The following ATP2B1 variants were observed in gnomAD, a reference collection of about 807,000 sequenced individuals.
The protein encoded by ATP2B1 is plasma membrane calcium-transporting ATPase 1.
In ATP2B1, 14 loss-of-function variants were observed where a neutral mutation model predicts 124.2. The ratio of observed to expected loss-of-function variants is 0.11; its 90% confidence interval spans 0.07 to 0.18. The LOEUF (loss-of-function observed/expected upper bound fraction) is 0.18, where lower values mean the gene tolerates loss of function less well. Among genes scored for constraint, ATP2B1 ranks in the 10% least tolerant of loss-of-function variants. The pLI is 1.00. For missense variants in ATP2B1, 763 were observed against 1,466.1 expected (o/e 0.52, Z 7.83); for synonymous variants, 449 against 492.4 (o/e 0.91, Z 1.17).
chr12:89,708,568 C>A (rs1198020154), intron 1 of ATP2B1, 28 bp downstream of exon 1: 1 of 151,630 alleles, frequency 6.6e-6, no homozygotes, highest in Non-Finnish European at 1.5e-5. Flanking sequence ...CCGCCCCCGG[C>A]CGCGGGCGGG....
intron 2 of ATP2B1, among the ~76,000 whole-genome samples, chr12:89,650,316 C>T (rs1402722865): frequency 1.3e-5 from 2 of 152,146 alleles, no homozygotes; most frequent in African/African-American, 2.4e-5. Flanking sequence ...GAGGCAATCC[C>T]GTCCCTAACT....
intron 1 of ATP2B1, among the ~76,000 whole-genome samples, chr12:89,694,395 T>C (rs1890883228): frequency 6.6e-6 from 1 of 152,158 alleles, no homozygotes; most frequent in Non-Finnish European, 1.5e-5. Flanking sequence ...CTATAATCTC[T>C]CAACATCCCC....
intron 1 of ATP2B1, among the ~76,000 whole-genome samples, chr12:89,699,811 C>T (rs956045740): frequency 5.3e-5 from 8 of 152,078 alleles, no homozygotes; most frequent in African/African-American, 1.9e-4. Context: ...AAATTATGTA[C>T]ATAAAAACAG....
At chr12:89,673,888 A>T (rs1888293138) in intron 1 of ATP2B1, among the ~76,000 whole-genome samples, 1 of 152,216 alleles carries the variant, frequency 6.6e-6, no homozygotes, top group Non-Finnish European at 1.5e-5. Context: ...CAGGAGATAA[A>T]CAACAAGTAA....
rs748085742 is a variant in ATP2B1, at chr12:89,611,382, A to G, written c.2068-10T>C. ...TAATTGCATCTGGCACCTGGTTTAC[A>G]TTAAAAAAAAAAATTACAAAGTTAA... On this transcript the variant is annotated splice_polypyrimidine_tract_variant and intron_variant, in intron 12 of 20. Transcript: ENST00000428670. The G allele has an allele frequency of 5.3e-6, 8 of 1,496,604 alleles. No individual in the cohort carries two copies. In the African/African-American group the frequency reaches 8.6e-5, roughly 16 times the overall value. 92.7% of individuals were successfully genotyped at this position (1,496,604 alleles called of 1,614,324 possible).
At chr12:89,702,065 C>G (rs962771480) in intron 1 of ATP2B1, among the ~76,000 whole-genome samples, 1 of 152,168 alleles carries the variant, frequency 6.6e-6, no homozygotes, top group Non-Finnish European at 1.5e-5. Context: ...ACAAAGTTAA[C>G]AAGGTGAGAT....
In ATP2B1 at chr12:89,611,375, GGT is replaced by G. The variant is rs1012576824; in HGVS notation, c.2068-5_2068-4del. 1 of 1,483,926 alleles carries G rather than the reference GGT, an allele frequency of 6.7e-7. No individual in the cohort carries two copies. The highest frequency in any genetic ancestry group is 9.0e-7 in the Non-Finnish European group (1 of 1,117,022). The allele number at this position is 1,483,926 out of a possible 1,614,324, so 91.9% of individuals were successfully genotyped here. On this transcript the variant is annotated splice_polypyrimidine_tract_variant and splice_region_variant and intron_variant, in intron 12 of 20. Transcript: ENST00000428670. Reference sequence around the variant, plus strand: ...CACTTTTTAATTGCATCTGGCACCTGGTTTACATTAAAAAAAAAAATTACAAA... The same window carrying G: ...CACTTTTTAATTGCATCTGGCACCTGTTACATTAAAAAAAAAAATTACAAA...
Position 89,603,970 on chromosome 12 carries a change from G to T in ATP2B1, c.2635-45C>A. 1 of 1,578,612 alleles carries T rather than the reference G, an allele frequency of 6.3e-7. No individual in the cohort carries two copies. Among genetic ancestry groups the T allele is most frequent in the Non-Finnish European group, 8.6e-7 (1 of 1,157,098 alleles). ...TAATAGACATTCACAACTACTCAGGGGCTCAGCAATTCTCAGGAAACCTTT... is the reference window on the plus strand; with the variant it reads ...TAATAGACATTCACAACTACTCAGGTGCTCAGCAATTCTCAGGAAACCTTT... On this transcript the variant is annotated intron_variant, in intron 16 of 20. Coordinates refer to ENST00000428670, the MANE Select transcript of ATP2B1 (RefSeq NM_001366521.1). The surrounding 1 kb of genome is among the most constrained non-coding windows in gnomAD (Gnocchi z 4.3).
At chr12:89,686,016 A>G (rs1889927291) in intron 1 of ATP2B1, among the ~76,000 whole-genome samples, 1 of 152,120 alleles carries the variant, frequency 6.6e-6, no homozygotes, top group Non-Finnish European at 1.5e-5. Context: ...TGTTTAAGCC[A>G]CCTTGTCTGT....
chr12:89,611,411 G>T (rs772856741), intron 12 of ATP2B1, 39 bp from the exon 13 acceptor site: 18 of 1,455,952 alleles, frequency 1.2e-5, no homozygotes, highest in Non-Finnish European at 1.6e-5. Context: ...AAGTTAATTT[G>T]GTATTTTTAG....
chr12:89,615,356 C>T (rs1226344647), intron 12 of ATP2B1, among the ~76,000 whole-genome samples: 1 of 152,022 alleles, frequency 6.6e-6, no homozygotes, highest in African/African-American at 2.4e-5. Context: ...GATATGCCAC[C>T]CTGCCACCCA....
At chr12:89,627,631 G>A (rs756263859) in intron 7 of ATP2B1, 47 bp downstream of exon 7, 7 of 1,589,224 alleles carry the variant, frequency 4.4e-6, no homozygotes, top group Non-Finnish European at 6.0e-6. Context: ...TAGATTTTTG[G>A]ATATAATGAA....
chr12:89,616,999 A>G lies in ATP2B1; in HGVS notation c.1870T>C (p.Phe624Leu). Residue 624 changes from phenylalanine to leucine, a missense_variant, in exon 12 of 21, where the codon TTC becomes CTC. Phe to Leu is a conservative substitution (Grantham distance 22). Transcript: ENST00000428670. ...ATATCATCACGGTCCCTTGGTCTGA[A>G]TACTTTTGCCTCACCATTAGCACTC... is the stretch of plus-strand genomic sequence containing the variant. ...ILSANGEAKV[F>L]RPRDRDDIVK... 6.2e-7 allele frequency: 1 copy of G among 1,614,050 alleles called. No individual in the cohort carries two copies. Among genetic ancestry groups the G allele is most frequent in the Non-Finnish European group, 8.5e-7 (1 of 1,179,940 alleles).
rs746087300 is a variant in ATP2B1, at chr12:89,642,201, T to A, written c.363A>T (p.Ser121=). The A allele has an allele frequency of 2.2e-5, 36 of 1,613,782 alleles. No individual in the cohort carries two copies. The East Asian group carries it at 7.4e-4, about 33-fold the overall frequency. The stretch of plus-strand genomic sequence containing the variant: ...GAGGCTGATAAAAAGAAAGGCCCAA[T>A]GATACTATGGCTGCAATTTCTAATA... ...LIILEIAAIV[S]LGLSFYQPPE... The change falls in exon 3 of 21, where the codon TCA becomes TCT. Residue 121 remains serine, a synonymous_variant. Transcript: ENST00000428670.
At chr12:89,605,179 T>G (rs961300637) in intron 15 of ATP2B1, among the ~76,000 whole-genome samples, 1 of 152,186 alleles carries the variant, frequency 6.6e-6, no homozygotes, top group Non-Finnish European at 1.5e-5. Context: ...ACTGGTTATC[T>G]TTGCAGAGAG....
At chr12:89,683,017 T>C (rs780822264) in intron 1 of ATP2B1, among the ~76,000 whole-genome samples, 4 of 152,170 alleles carry the variant, frequency 2.6e-5, no homozygotes, top group Non-Finnish European at 4.4e-5. Flanking sequence ...GAAGAATGAT[T>C]GAAAGCCATA....
intron 18 of ATP2B1, 74 bp from the exon 19 acceptor site, chr12:89,601,507 T>C (rs1875837144): frequency 3.3e-6 from 3 of 895,526 alleles, no homozygotes; most frequent in East Asian, 2.9e-5. Flanking sequence ...AAATATCAAA[T>C]TTATGTCCTC....
At chr12:89,592,373 C>G (rs1188474747) in intron 20 of ATP2B1, among the ~76,000 whole-genome samples, 2 of 151,946 alleles carry the variant, frequency 1.3e-5, no homozygotes, top group African/African-American at 4.8e-5. Context: ...CTTTGACATT[C>G]TAGAAAAAAG....
rs542691197 is a variant in ATP2B1, at chr12:89,663,450, T to C, written c.-221-7343A>G. On this transcript the variant is annotated intron_variant, in intron 1 of 20. Coordinates refer to ENST00000428670, the MANE Select transcript of ATP2B1 (RefSeq NM_001366521.1). ...AGCCTGAAAGAAACAATACATTTAT[T>C]TGAAAAATAATTTGTTAGGGTTACC... 2.0e-5 allele frequency among the ~76,000 whole-genome samples: 3 copies of C among 152,306 alleles called. No homozygotes were observed. In the South Asian group the frequency reaches 6.2e-4, roughly 32 times the overall value.
Sources: gnomAD v4.1 joint callset for allele counts (sites outside exome capture counted in the v4.1 genomes callset) on GRCh38, gnomAD v4.1.1 for gene constraint, Gnocchi (gnomAD v3.1) non-coding constraint, MANE v1.5 for transcripts, NCBI Gene and HGNC (gene_info 2026-07-23, HGNC 2026-07-21) for gene names.